Variants in PRKN observed in about 807,000 individuals in gnomAD.
PRKN encodes the protein E3 ubiquitin-protein ligase parkin.
Under a neutral mutation model 59.5 loss-of-function variants are expected in PRKN, and 56 were observed. That is an observed-to-expected ratio of 0.94 (90% CI 0.76 to 1.18). PRKN has a LOEUF of 1.18. PRKN is among the 50% of genes most tolerant of loss of function. The pLI is 0.00. For missense variants in PRKN, 657 were observed against 596.4 expected (o/e 1.10, Z -1.06); for synonymous variants, 250 against 222.1 (o/e 1.13, Z -1.12).
chr6:161,849,667 A>G (rs1331034455), intron 6 of PRKN, among the ~76,000 whole-genome samples: 1 of 152,202 alleles, frequency 6.6e-6, no homozygotes, highest in Non-Finnish European at 1.5e-5. Context: ...AACCCAAATA[A>G]AAACTCTTCA....
intron 7 of PRKN, among the ~76,000 whole-genome samples, chr6:161,781,296 T>A (rs1790195020): frequency 6.6e-6 from 1 of 152,190 alleles, no homozygotes; most frequent in South Asian, 2.1e-4. Flanking sequence ...GAGTATTATA[T>A]TTAAGTAACC....
intron 2 of PRKN, among the ~76,000 whole-genome samples, chr6:162,299,455 A>G (rs1353327845): frequency 6.6e-6 from 1 of 151,874 alleles, no homozygotes; most frequent in East Asian, 1.9e-4. Flanking sequence ...AAAACAGTCT[A>G]TTTTTTTCCC....
chr6:161,757,833 ATCTCTCTCTCTCTCTC>A (rs748787015), intron 7 of PRKN, among the ~76,000 whole-genome samples: 1 of 37,646 alleles, frequency 2.7e-5, no homozygotes, highest in South Asian at 6.8e-4. Flanking sequence ...GCAAAACTCC[ATCTCTCTCTCTCTCTC>A]TCTCTCTCTC....
chr6:161,855,099 G>GAAAAAAAAAAAAA (rs1192856013), intron 6 of PRKN, among the ~76,000 whole-genome samples: 1 of 131,086 alleles, frequency 7.6e-6, no homozygotes, highest in African/African-American at 2.8e-5. Context: ...AAAAAAAAAA[G>GAAAAAAAAAAAAA]AAAAAAAAAA....
In PRKN at chr6:162,390,426, C is replaced by CA. The variant is rs562596434; in HGVS notation, c.171+52883dup. Among the ~76,000 whole-genome samples, 165 of 141,394 alleles carry CA rather than the reference C, an allele frequency of 1.2e-3. 2 individuals carry two copies. Among genetic ancestry groups the CA allele is most frequent in the African/African-American group, 4.2e-3 (154 of 36,672 alleles). The allele number at this position is 141,394 out of a possible 152,430, so 92.8% of individuals were successfully genotyped here. On this transcript the variant is annotated intron_variant, in intron 2 of 11. Coordinates refer to ENST00000366898, the MANE Select transcript of PRKN (RefSeq NM_004562.3). Reference sequence around the variant, plus strand: ...ACACACACACACACACACACACACACACCTTATATATATATATATATTTGG... The same window carrying CA: ...ACACACACACACACACACACACACACAACCTTATATATATATATATATTTGG...
At chr6:161,738,033 T>C (rs1184537475) in intron 7 of PRKN, among the ~76,000 whole-genome samples, 2 of 152,222 alleles carry the variant, frequency 1.3e-5, no homozygotes, top group Non-Finnish European at 2.9e-5. Flanking sequence ...CCTTGATTGA[T>C]AAGACTTCAA....
chr6:161,828,726 C>T (rs1792349563), intron 6 of PRKN, among the ~76,000 whole-genome samples: 1 of 152,102 alleles, frequency 6.6e-6, no homozygotes, highest in Non-Finnish European at 1.5e-5. Flanking sequence ...CGAATCCAGC[C>T]TGTCCAAAAT....
At chr6:161,851,567 G>A (rs949578795) in intron 6 of PRKN, among the ~76,000 whole-genome samples, 3 of 151,328 alleles carry the variant, frequency 2.0e-5, no homozygotes, top group Admixed American at 6.6e-5. Context: ...CTGCAATCTC[G>A]GCCTGATGGG....
chr6:161,639,913 A>G (rs1227933318), intron 7 of PRKN, among the ~76,000 whole-genome samples: 7 of 152,190 alleles, frequency 4.6e-5, no homozygotes. Context: ...TGTGCTACTC[A>G]GAATACCATG....
chr6:162,388,296 CA>C (rs1786961295), intron 2 of PRKN, among the ~76,000 whole-genome samples: 1 of 152,056 alleles, frequency 6.6e-6, no homozygotes, highest in South Asian at 2.1e-4. Flanking sequence ...TCCAGCTTCC[CA>C]AGACACCCAG....
At chr6:161,616,092 A>G (rs1782682378) in intron 7 of PRKN, among the ~76,000 whole-genome samples, 2 of 151,944 alleles carry the variant, frequency 1.3e-5, no homozygotes, top group Admixed American at 6.6e-5. Context: ...ACTGACTTTG[A>G]TGCTCTGCTG....
chr6:162,553,778 G>A (rs1356941784), intron 1 of PRKN, among the ~76,000 whole-genome samples: 1 of 110,880 alleles, frequency 9.0e-6, no homozygotes, highest in African/African-American at 3.6e-5. Flanking sequence ...CTCCAGTATG[G>A]GCAACAGAGC....
At chr6:162,105,913 A>G (rs1399152212) in intron 4 of PRKN, among the ~76,000 whole-genome samples, 1 of 152,210 alleles carries the variant, frequency 6.6e-6, no homozygotes, top group Non-Finnish European at 1.5e-5. Context: ...CAGGCTGAGA[A>G]ACATTCAAAT....
At chr6:161,431,812 C>A (rs916713378) in intron 9 of PRKN, among the ~76,000 whole-genome samples, 1 of 152,082 alleles carries the variant, frequency 6.6e-6, no homozygotes, top group Non-Finnish European at 1.5e-5. Context: ...AGGGTTTCAC[C>A]ATATTGGCCA....
chr6:162,244,139 G>A (rs1779105276), intron 3 of PRKN, among the ~76,000 whole-genome samples: 1 of 152,060 alleles, frequency 6.6e-6, no homozygotes, highest in Non-Finnish European at 1.5e-5. Context: ...ATTCTGTTTT[G>A]TCTGGTTCAG....
At chr6:162,007,544 T>G (rs1040570162) in intron 5 of PRKN, among the ~76,000 whole-genome samples, 6 of 152,182 alleles carry the variant, frequency 3.9e-5, no homozygotes, top group African/African-American at 1.4e-4. Flanking sequence ...TCTCCAAGTC[T>G]AAACTTTAAT....
chr6:161,437,464 T>G (rs1490025023), intron 9 of PRKN, among the ~76,000 whole-genome samples: 1 of 152,182 alleles, frequency 6.6e-6, no homozygotes, highest in Non-Finnish European at 1.5e-5. Flanking sequence ...CTCGGTTGAC[T>G]GTGAGTACCA....
intron 1 of PRKN, among the ~76,000 whole-genome samples, chr6:162,540,274 G>A (rs1029238465): frequency 2.0e-5 from 3 of 151,922 alleles, no homozygotes; most frequent in Admixed American, 2.0e-4. Flanking sequence ...CTGTCACACA[G>A]GCTGAAGTGC....
intron 7 of PRKN, among the ~76,000 whole-genome samples, chr6:161,638,064 C>A (rs770833419): frequency 2.0e-5 from 3 of 152,134 alleles, no homozygotes; most frequent in Admixed American, 1.3e-4. Flanking sequence ...CAATGCCTCC[C>A]ACCATCACAG....
Sources: allele counts gnomAD v4.1 joint callset (sites outside exome capture counted in the v4.1 genomes callset), GRCh38; gene constraint gnomAD v4.1.1; transcripts MANE v1.5; gene names NCBI Gene and HGNC (gene_info 2026-07-23, HGNC 2026-07-21).